Variants in EPHB2 observed in about 807,000 individuals in gnomAD.
EPHB2 encodes ephrin type-B receptor 2.
A neutral mutation model predicts 96.4 loss-of-function variants in EPHB2; 18 were observed. The ratio of observed to expected loss-of-function variants is 0.19; its 90% confidence interval spans 0.13 to 0.28. The LOEUF (loss-of-function observed/expected upper bound fraction) is 0.28. Among genes scored for constraint, EPHB2 ranks in the 10% least tolerant of loss-of-function variants. EPHB2 has a pLI of 1.00. For missense variants in EPHB2, 989 were observed against 1,355.4 expected (o/e 0.73, Z 4.25); for synonymous variants, 506 against 534.1 (o/e 0.95, Z 0.72).
In EPHB2 at chr1:22,711,236, C is replaced by T. The variant is rs1643130440; in HGVS notation, c.61+193C>T. 4.8e-5 allele frequency among the ~76,000 whole-genome samples: 7 copies of T among 147,124 alleles called. No individual in the cohort carries two copies. The South Asian group carries it at 1.5e-3, about 31-fold the overall frequency. Reference sequence around the variant, plus strand: ...CCGCGGGCGCCCGGGGAGCGGCGGGCGCTGATTGACTGTGCCAGGAGGAGG... The same window carrying T: ...CCGCGGGCGCCCGGGGAGCGGCGGGTGCTGATTGACTGTGCCAGGAGGAGG... On this transcript the variant is annotated intron_variant, in intron 1 of 15. Transcript: ENST00000374630.
chr1:22,853,221 C>T (rs548331359), intron 3 of EPHB2, among the ~76,000 whole-genome samples: 6 of 152,338 alleles, frequency 3.9e-5, no homozygotes, highest in East Asian at 1.9e-4. Context: ...GGTGTGGTGG[C>T]GGACGCCTGT....
intron 1 of EPHB2, among the ~76,000 whole-genome samples, chr1:22,720,673 C>CCG (rs1389860328): frequency 1.6e-5 from 2 of 122,290 alleles, no homozygotes; most frequent in African/African-American, 5.7e-5. Flanking sequence ...CCCCCCCCCC[C>CCG]GCCCCAGCAC....
chr1:22,813,082 C>G (rs1645025232), intron 3 of EPHB2, among the ~76,000 whole-genome samples: 1 of 152,182 alleles, frequency 6.6e-6, no homozygotes, highest in South Asian at 2.1e-4. Flanking sequence ...ACTTCAGTAT[C>G]ATACTCTGTT....
rs150415014 is a variant in EPHB2, at chr1:22,860,010, A to T, written c.812-3027A>T. The stretch of plus-strand genomic sequence containing the variant: ...TGTGCCTGTGCTGGGCCTGTTTCAT[A>T]TAAATGGAATCCTGCTTTCATGGCT... On this transcript the variant is annotated intron_variant, in intron 3 of 15. Coordinates refer to ENST00000374630, the MANE Select transcript of EPHB2 (RefSeq NM_017449.5). This position sits in a 1 kb window ranked among gnomAD's most constrained non-coding sequence, Gnocchi z 4.6. 6.6e-6 allele frequency among the ~76,000 whole-genome samples: 1 copy of T among 152,162 alleles called. No homozygotes were observed. The highest frequency in any genetic ancestry group is 2.4e-5 in the African/African-American group (1 of 41,424).
At position 22,861,451 on chromosome 1, in the gene EPHB2, A is replaced by G. The variant is rs1032856763; in HGVS notation, c.812-1586A>G. On this transcript the variant is annotated intron_variant, in intron 3 of 15. Transcript: ENST00000374630. ...CCAGGAGTTCAAGACCAGCCTGAGC[A>G]ACATAGTGAGACCCCCCATCTCTAC... 5.3e-5 allele frequency among the ~76,000 whole-genome samples: 8 copies of G among 152,122 alleles called. No homozygotes were observed. In the East Asian group the frequency reaches 1.5e-3, roughly 29 times the overall value.
intron 1 of EPHB2, among the ~76,000 whole-genome samples, chr1:22,738,075 A>C (rs1643865338): frequency 6.6e-6 from 1 of 152,038 alleles, no homozygotes; most frequent in Non-Finnish European, 1.5e-5. Context: ...AAAGATAAAA[A>C]AAATACTAAC....
At chr1:22,716,581 C>T (rs1643301517) in intron 1 of EPHB2, among the ~76,000 whole-genome samples, 2 of 152,146 alleles carry the variant, frequency 1.3e-5, no homozygotes, top group African/African-American at 4.8e-5. Context: ...TCAAGTGACC[C>T]ACCCACCTTG....
rs185266886 is a variant in EPHB2, at chr1:22,870,119, A to G, written c.1303+4907A>G. Among the ~76,000 whole-genome samples, 4 of 152,276 alleles carry G rather than the reference A, an allele frequency of 2.6e-5. No individual in the cohort carries two copies. The East Asian group carries it at 7.7e-4, about 29-fold the overall frequency. ...TTAAACAGACCCTAAAATTCAATAT[A>G]TAAATATCTAGCTCATTGCCTTAAA... On this transcript the variant is annotated intron_variant, in intron 5 of 15. Transcript: ENST00000374630.
chr1:22,804,600 C>T (rs1041955096), intron 3 of EPHB2, among the ~76,000 whole-genome samples: 10 of 152,006 alleles, frequency 6.6e-5, no homozygotes, highest in East Asian at 1.9e-4. Flanking sequence ...GGAACCTCCC[C>T]GCCCCACCCT....
At chr1:22,735,906 C>T (rs894815784) in intron 1 of EPHB2, among the ~76,000 whole-genome samples, 1 of 152,132 alleles carries the variant, frequency 6.6e-6, no homozygotes, top group Non-Finnish European at 1.5e-5. Flanking sequence ...CCCTCAGGAC[C>T]GGAGCAGCCT....
chr1:22,837,007 A>G (rs1359991412), intron 3 of EPHB2, among the ~76,000 whole-genome samples: 1 of 152,202 alleles, frequency 6.6e-6, no homozygotes, highest in Non-Finnish European at 1.5e-5. Context: ...TTGTGGTTCC[A>G]AGTGGCTGGA....
At chr1:22,737,121 C>T (rs1433544038) in intron 1 of EPHB2, among the ~76,000 whole-genome samples, 9 of 152,192 alleles carry the variant, frequency 5.9e-5, no homozygotes, top group African/African-American at 1.9e-4. Context: ...AGAGCTAGCA[C>T]GGCCCTTTTT....
chr1:22,756,596 G>A (rs1166421579), intron 1 of EPHB2, among the ~76,000 whole-genome samples: 2 of 152,138 alleles, frequency 1.3e-5, no homozygotes, highest in African/African-American at 4.8e-5. Context: ...GGGGGCAGCG[G>A]GCGTGTGAGG....
chr1:22,853,773 G>A (rs1012185703), intron 3 of EPHB2, among the ~76,000 whole-genome samples: 11 of 152,246 alleles, frequency 7.2e-5, no homozygotes, highest in African/African-American at 4.8e-5. Context: ...CTGGCCAGGT[G>A]GACCGTGGAA....
intron 1 of EPHB2, among the ~76,000 whole-genome samples, chr1:22,750,847 C>T (rs1428034335): frequency 2.0e-5 from 3 of 152,204 alleles, no homozygotes; most frequent in African/African-American, 7.2e-5. Flanking sequence ...AGCTGATACA[C>T]AGAGAGGTTG....
At chr1:22,771,948 G>C (rs891984174) in intron 1 of EPHB2, among the ~76,000 whole-genome samples, 1 of 152,056 alleles carries the variant, frequency 6.6e-6, no homozygotes, top group African/African-American at 2.4e-5. Context: ...ACCAGTAGCA[G>C]GCGTCCCTCA....
intron 3 of EPHB2, among the ~76,000 whole-genome samples, chr1:22,837,552 T>A (rs1165633179): frequency 6.6e-6 from 1 of 152,044 alleles, no homozygotes; most frequent in Non-Finnish European, 1.5e-5. Context: ...ATACCCAGAG[T>A]TGCACATTGT....
At chr1:22,787,168 G>A (rs1358064873) in intron 3 of EPHB2, among the ~76,000 whole-genome samples, 1 of 152,212 alleles carries the variant, frequency 6.6e-6, no homozygotes, top group African/African-American at 2.4e-5. Flanking sequence ...AGGTGGTGAT[G>A]TGTTAGACTT....
Position 22,906,564 on chromosome 1 carries a change from G to T in EPHB2, c.1889-146G>T. The T allele has an allele frequency of 7.8e-7, 1 of 1,284,720 alleles. No individual in the cohort carries two copies. The highest frequency in any genetic ancestry group is 1.1e-6 in the Non-Finnish European group (1 of 929,176). The allele number at this position is 1,284,720 out of a possible 1,614,324, so 79.6% of individuals were successfully genotyped here. A position where few individuals can be genotyped will look rare whatever the true frequency, so the allele number is the denominator to read the frequency against. On this transcript the variant is annotated intron_variant, in intron 10 of 15. Coordinates refer to ENST00000374630, the MANE Select transcript of EPHB2 (RefSeq NM_017449.5). The surrounding 1 kb of genome is among the most constrained non-coding windows in gnomAD (Gnocchi z 4.8). Reference sequence around the variant, plus strand: ...ACTTTTCTGGACCCCTGACATTCTTGAAGGGGTTCTGTGTCTGCAAGGATG... The same window carrying T: ...ACTTTTCTGGACCCCTGACATTCTTTAAGGGGTTCTGTGTCTGCAAGGATG...
Sources: gnomAD v4.1 joint callset for allele counts (sites outside exome capture counted in the v4.1 genomes callset) on GRCh38, gnomAD v4.1.1 for gene constraint, Gnocchi (gnomAD v3.1) non-coding constraint, MANE v1.5 for transcripts, NCBI Gene and HGNC (gene_info 2026-07-23, HGNC 2026-07-21) for gene names.